Variants in FAM107B observed in about 807,000 individuals in gnomAD.
The protein encoded by FAM107B is protein FAM107B.
A neutral mutation model predicts 31.5 loss-of-function variants in FAM107B; 21 were observed. The ratio of observed to expected loss-of-function variants is 0.67; its 90% confidence interval spans 0.47 to 0.96. The LOEUF is 0.96. Among genes scored for constraint, FAM107B ranks in the 40% least tolerant of loss-of-function variants. The pLI is 0.00. For synonymous variants in FAM107B, 157 were observed against 141.5 expected, an observed-to-expected ratio of 1.11 and a Z score of -0.78; for missense variants, 452 against 377.1, an observed-to-expected ratio of 1.20 and a Z score of -1.64.
At chr10:14,623,410 A>T (rs191394830) in intron 2 of FAM107B, among the ~76,000 whole-genome samples, 15 of 152,352 alleles carry the variant, frequency 9.8e-5, no homozygotes, top group African/African-American at 3.1e-4. Context: ...CTGGTAAAAC[A>T]TCTACTGCAG....
At chr10:14,667,287 G>T (rs1181083661) in intron 2 of FAM107B, among the ~76,000 whole-genome samples, 1 of 152,066 alleles carries the variant, frequency 6.6e-6, no homozygotes, top group Admixed American at 6.6e-5. Context: ...TGTTTTCCAA[G>T]ATAATCATAA....
chr10:14,702,079 T>C (rs574786664), intron 1 of FAM107B, among the ~76,000 whole-genome samples: 1 of 152,232 alleles, frequency 6.6e-6, no homozygotes. Context: ...AATATACTGA[T>C]AAGTAAATGC....
intron 1 of FAM107B, among the ~76,000 whole-genome samples, chr10:14,685,002 T>C (rs1657454980): frequency 6.6e-6 from 1 of 152,086 alleles, no homozygotes; most frequent in Non-Finnish European, 1.5e-5. Context: ...TAAATTATTT[T>C]AAATTATTTG....
chr10:14,556,797 T>A (rs533761659), intron 2 of FAM107B, among the ~76,000 whole-genome samples: 1 of 149,068 alleles, frequency 6.7e-6, no homozygotes, highest in Non-Finnish European at 1.5e-5. Context: ...AAGAATGGAC[T>A]TTCCCCCCAT....
At chr10:14,718,545 GAGGA>G (rs1004687973) in intron 1 of FAM107B, among the ~76,000 whole-genome samples, 14 of 150,130 alleles carry the variant, frequency 9.3e-5, no homozygotes, top group Admixed American at 2.0e-4. Context: ...GAGAGAGAGA[GAGGA>G]AGGAAGGAAG....
chr10:14,636,226 A>G (rs1564609705), intron 2 of FAM107B, among the ~76,000 whole-genome samples: 1 of 149,426 alleles, frequency 6.7e-6, no homozygotes, highest in Non-Finnish European at 1.5e-5. Flanking sequence ...TAGGATGGAT[A>G]TGCACTCAGG....
In FAM107B at chr10:14,751,527, G is replaced by A. The variant is rs1832827815; in HGVS notation, c.411+22726C>T. Among the ~76,000 whole-genome samples the A allele has an allele frequency of 2.0e-5, 3 of 151,322 alleles. No homozygotes were observed. The South Asian group carries it at 6.3e-4, about 32-fold the overall frequency. On this transcript the variant is annotated intron_variant, in intron 1 of 4. Coordinates refer to ENST00000181796, the MANE Select transcript of FAM107B (RefSeq NM_031453.4). ...TTTTTTCTTTTTTTTCTTAGAGACA[G>A]GGTCCAGCTCTGTCACCCAGGCTGG...
intron 2 of FAM107B, among the ~76,000 whole-genome samples, chr10:14,554,873 CA>C (rs1388629157): frequency 2.6e-5 from 4 of 152,186 alleles, no homozygotes; most frequent in Non-Finnish European, 4.4e-5. Flanking sequence ...CTCATTTAAT[CA>C]AGTGGATGAA....
chr10:14,544,076 G>A (rs1848486828), intron 2 of FAM107B, among the ~76,000 whole-genome samples: 1 of 152,146 alleles, frequency 6.6e-6, no homozygotes, highest in South Asian at 2.1e-4. Flanking sequence ...GGCACCCCGA[G>A]GAGAGACTCA....
chr10:14,556,560 G>T, intron 2 of FAM107B: 1 of 253,886 alleles, frequency 3.9e-6, no homozygotes, highest in Non-Finnish European at 6.2e-6. Flanking sequence ...CCTACTGTGT[G>T]CTCCGTGCTA....
intron 1 of FAM107B, among the ~76,000 whole-genome samples, chr10:14,702,313 A>G (rs1421976973): frequency 1.3e-5 from 2 of 152,208 alleles, no homozygotes; most frequent in South Asian, 2.1e-4. Flanking sequence ...TCCTTTTCAT[A>G]AAGTTTTTGA....
At chr10:14,535,016 G>A (rs563769473) in intron 2 of FAM107B, 2 of 152,274 alleles carry the variant, frequency 1.3e-5, no homozygotes, top group Admixed American at 6.5e-5. Flanking sequence ...TGAGCAACAA[G>A]GAATCCAGGA....
At chr10:14,572,859 T>G (rs1212502559) in intron 2 of FAM107B, among the ~76,000 whole-genome samples, 1 of 150,820 alleles carries the variant, frequency 6.6e-6, no homozygotes, top group Non-Finnish European at 1.5e-5. Context: ...TGAGTTCCAG[T>G]CCCAACTCTG....
chr10:14,574,341 T>C (rs982002185), intron 2 of FAM107B, among the ~76,000 whole-genome samples: 2 of 152,202 alleles, frequency 1.3e-5, no homozygotes, highest in Non-Finnish European at 2.9e-5. Context: ...GAACCCTAGT[T>C]TTGTTGTTGT....
At chr10:14,584,497 T>C (rs1034745117) in intron 2 of FAM107B, among the ~76,000 whole-genome samples, 1 of 152,232 alleles carries the variant, frequency 6.6e-6, no homozygotes, top group Admixed American at 6.5e-5. Flanking sequence ...GCCTGTAAGA[T>C]GCTGTGATCC....
intron 2 of FAM107B, among the ~76,000 whole-genome samples, chr10:14,554,589 T>C (rs931665419): frequency 6.6e-6 from 1 of 152,102 alleles, no homozygotes. Flanking sequence ...AGGGGCAGGG[T>C]CTCAAACATG....
chr10:14,734,495 T>C (rs372742855), intron 1 of FAM107B, among the ~76,000 whole-genome samples: 1 of 151,952 alleles, frequency 6.6e-6, no homozygotes, highest in East Asian at 1.9e-4. Flanking sequence ...GAGGTTTTTT[T>C]TTTTTTTTTA....
chr10:14,754,888 T>A (rs1832898676), intron 1 of FAM107B, among the ~76,000 whole-genome samples: 1 of 152,322 alleles, frequency 6.6e-6, no homozygotes, highest in Admixed American at 6.5e-5. Flanking sequence ...TCTTTCCTTT[T>A]AAAATTATCA....
chr10:14,762,800 AC>A (rs1466203692), intron 1 of FAM107B, among the ~76,000 whole-genome samples: 17 of 148,472 alleles, frequency 1.1e-4, no homozygotes, highest in Non-Finnish European at 1.3e-4. Context: ...ACACACACAC[AC>A]AAAAAGAACA....
Sources: allele counts gnomAD v4.1 joint callset (sites outside exome capture counted in the v4.1 genomes callset), GRCh38; gene constraint gnomAD v4.1.1; transcripts MANE v1.5; gene names NCBI Gene and HGNC (gene_info 2026-07-23, HGNC 2026-07-21).